The following MAST4 variants were observed in gnomAD, a reference collection of about 807,000 sequenced individuals.
MAST4 encodes the protein microtubule-associated serine/threonine-protein kinase 4.
A neutral mutation model predicts 162.7 loss-of-function variants in MAST4; 89 were observed. That is an observed-to-expected ratio of 0.55 (90% CI 0.46 to 0.65). The LOEUF is 0.65. MAST4 is among the 30% of genes least tolerant of loss of function. MAST4 has a pLI of 0.00. For synonymous variants in MAST4, 1,479 were observed against 1,361.1 expected (o/e 1.09, Z -1.91); for missense variants, 3,153 against 3,374.0 (o/e 0.93, Z 1.62).
At chr5:66,662,090 G>A (rs540518082) in intron 1 of MAST4, among the ~76,000 whole-genome samples, 19 of 149,496 alleles carry the variant, frequency 1.3e-4, no homozygotes, top group Non-Finnish European at 7.4e-5. Flanking sequence ...TTTTTTTAAT[G>A]AGCACTTATT....
At chr5:67,041,440 C>A (rs76768646) in intron 4 of MAST4, among the ~76,000 whole-genome samples, 3 of 152,102 alleles carry the variant, frequency 2.0e-5, no homozygotes, top group Non-Finnish European at 4.4e-5. Context: ...AACGAATATG[C>A]CTGAGAGAAT....
chr5:66,729,809 A>T (rs142234416), intron 1 of MAST4, among the ~76,000 whole-genome samples: 12 of 152,316 alleles, frequency 7.9e-5, no homozygotes, highest in African/African-American at 2.6e-4. Context: ...ATAACTGATA[A>T]TAGGTAACAG....
intron 3 of MAST4, among the ~76,000 whole-genome samples, chr5:66,862,633 A>G (rs1760202749): frequency 6.6e-6 from 1 of 152,232 alleles, no homozygotes; most frequent in South Asian, 2.1e-4. Context: ...TAGTTTGTCA[A>G]TGCCATGATT....
At chr5:66,828,321 G>A (rs1757372872) in intron 3 of MAST4, among the ~76,000 whole-genome samples, 1 of 152,138 alleles carries the variant, frequency 6.6e-6, no homozygotes, top group South Asian at 2.1e-4. Flanking sequence ...TTTCTTTGAT[G>A]CCTTTGGAAG....
intron 4 of MAST4, among the ~76,000 whole-genome samples, chr5:67,003,619 A>G (rs1751539756): frequency 6.6e-6 from 1 of 152,224 alleles, no homozygotes; most frequent in South Asian, 2.1e-4. Flanking sequence ...ACCAGACTTA[A>G]GGCAGCTAAT....
intron 24 of MAST4, 47 bp downstream of exon 24, chr5:67,149,636 T>A: frequency 6.4e-7 from 1 of 1,559,856 alleles, no homozygotes; most frequent in Non-Finnish European, 8.8e-7. Context: ...GTGCATGTGG[T>A]CCCATCCCTC....
chr5:66,643,652 C>T (rs925391231), intron 1 of MAST4, among the ~76,000 whole-genome samples: 3 of 151,908 alleles, frequency 2.0e-5, no homozygotes, highest in African/African-American at 7.3e-5. Context: ...CCAGATTTTC[C>T]CTTTTGACAT....
chr5:66,943,746 G>GAA (rs113051258), intron 4 of MAST4, among the ~76,000 whole-genome samples: 11,159 of 151,886 alleles, frequency 0.073, 1,269 homozygotes, highest in African/African-American at 0.25. Context: ...TGTGTTCAGC[G>GAA]AAAAAAAGTG....
At chr5:66,684,944 T>G (rs1394431354) in intron 1 of MAST4, among the ~76,000 whole-genome samples, 1 of 152,104 alleles carries the variant, frequency 6.6e-6, no homozygotes, top group Non-Finnish European at 1.5e-5. Flanking sequence ...CAAATGGCTA[T>G]GGGGTTGGGC....
chr5:67,042,461 T>C (rs27207), intron 4 of MAST4, among the ~76,000 whole-genome samples: 58,537 of 151,986 alleles, frequency 0.39, 11,600 homozygotes, highest in African/African-American at 0.43. Flanking sequence ...TTAGTGGATG[T>C]AAATGAGGAA....
intron 3 of MAST4, chr5:66,789,610 A>C (rs1162502125): frequency 2.4e-6 from 1 of 415,884 alleles, no homozygotes; most frequent in Non-Finnish European, 4.9e-6. Context: ...CAAGAATACG[A>C]CACTGGTGAT....
chr5:66,988,830 T>C (rs1039090484), intron 4 of MAST4, among the ~76,000 whole-genome samples: 1 of 152,222 alleles, frequency 6.6e-6, no homozygotes, highest in African/African-American at 2.4e-5. Flanking sequence ...AACTGTAGAA[T>C]CAAAATTTAT....
rs188693866 is a variant in MAST4, at chr5:66,845,162, A to G, written c.643-54789A>G. ...ACTTGAAGTTCTAGGTTACATGTGCACAACGTGCAGGTTTGTTACATATGT... is the reference window on the plus strand; with the variant it reads ...ACTTGAAGTTCTAGGTTACATGTGCGCAACGTGCAGGTTTGTTACATATGT... On this transcript the variant is annotated intron_variant, in intron 3 of 28. Coordinates refer to ENST00000403625, the MANE Select transcript of MAST4 (RefSeq NM_001164664.2). Among the ~76,000 whole-genome samples, 78 of 131,836 alleles carry G rather than the reference A, an allele frequency of 5.9e-4. No individual in the cohort carries two copies. In the East Asian group the frequency reaches 0.015, roughly 25 times the overall value. 86.5% of individuals were successfully genotyped at this position (131,836 alleles called of 152,430 possible).
intron 3 of MAST4, among the ~76,000 whole-genome samples, chr5:66,816,800 C>T (rs1033104293): frequency 6.6e-6 from 1 of 152,194 alleles, no homozygotes; most frequent in African/African-American, 2.4e-5. Flanking sequence ...CTTGGGATTT[C>T]TAAACTTGTC....
intron 4 of MAST4, among the ~76,000 whole-genome samples, chr5:66,948,691 G>A (rs1744321008): frequency 1.3e-5 from 2 of 152,098 alleles, no homozygotes; most frequent in South Asian, 4.1e-4. Flanking sequence ...TCTTAAGATG[G>A]CCCAGAGTAA....
At chr5:67,116,956 T>C (rs1318093200) in intron 12 of MAST4, among the ~76,000 whole-genome samples, 1 of 152,204 alleles carries the variant, frequency 6.6e-6, no homozygotes, top group East Asian at 1.9e-4. Flanking sequence ...TGCCAGGTTG[T>C]CACCCTAAGC....
intron 1 of MAST4, among the ~76,000 whole-genome samples, chr5:66,676,126 G>T (rs1747930856): frequency 2.0e-5 from 3 of 152,150 alleles, no homozygotes; most frequent in Admixed American, 1.3e-4. Context: ...TAAAAGTTTG[G>T]CATGTGCAGG....
intron 1 of MAST4, among the ~76,000 whole-genome samples, chr5:66,675,985 C>A (rs564960413): frequency 1.3e-5 from 2 of 152,136 alleles, no homozygotes; most frequent in Admixed American, 6.5e-5. Flanking sequence ...GTGGGAATCA[C>A]GTGTGTCCAT....
At chr5:66,859,784 T>A (rs573524978) in intron 3 of MAST4, among the ~76,000 whole-genome samples, 1 of 151,966 alleles carries the variant, frequency 6.6e-6, no homozygotes, top group Non-Finnish European at 1.5e-5. Flanking sequence ...ATCCTCAGAG[T>A]GTGTGATAGC....
Sources: gnomAD v4.1 joint callset for allele counts (sites outside exome capture counted in the v4.1 genomes callset) on GRCh38, gnomAD v4.1.1 for gene constraint, MANE v1.5 for transcripts, NCBI Gene and HGNC (gene_info 2026-07-23, HGNC 2026-07-21) for gene names.